CIB4: variants seen among roughly 807,000 people sequenced by gnomAD.
The protein encoded by CIB4 is calcium and integrin binding family member 4.
In CIB4, 25 loss-of-function variants were observed where a neutral mutation model predicts 25.8. The observed-to-expected ratio is 0.97, with a 90% CI of 0.71 to 1.35. The LOEUF is 1.35. CIB4 is among the 40% of genes most tolerant of loss of function. The probability of loss-of-function intolerance (pLI) is 0.00; values close to 1 mark genes in which losing one functional copy is unlikely to be tolerated. For missense variants in CIB4, 235 were observed against 228.2 expected (o/e 1.03, Z -0.19); for synonymous variants, 75 against 81.4 (o/e 0.92, Z 0.42).
rs192847962 is a variant in CIB4 at position 26,589,826 on chromosome 2, G to A, written c.328+5350C>T. On this transcript the variant is annotated intron_variant, in intron 4 of 6. Transcript: ENST00000288861. ...CCGGGTGGGGCTTCCAAGAAAGCTT[G>A]TGAAAGGAGAGTGGACTTAGCTGCA... is the stretch of plus-strand genomic sequence containing the variant. 3.5e-3 allele frequency among the ~76,000 whole-genome samples: 539 copies of A among 152,248 alleles called. 2 individuals are homozygous for A. The highest frequency in any genetic ancestry group is 0.024 in the Middle Eastern group (7 of 294).
intron 4 of CIB4, among the ~76,000 whole-genome samples, chr2:26,593,421 CA>C (rs1320815784): frequency 1.3e-5 from 2 of 149,352 alleles, no homozygotes; most frequent in African/African-American, 5.1e-5. Context: ...TATACACACA[CA>C]TATATATACA....
intron 3 of CIB4, among the ~76,000 whole-genome samples, chr2:26,604,827 T>C (rs1668857922): frequency 6.6e-6 from 1 of 152,204 alleles, no homozygotes; most frequent in Non-Finnish European, 1.5e-5. Flanking sequence ...TTCACAATTA[T>C]AGTTGGAGAG....
At position 26,595,285 on chromosome 2, in the gene CIB4, C is replaced by A. The variant is rs1320360986; in HGVS notation, c.219G>T (p.Val73=). ...VNPFRDRICR[V]FSHKGMFSFE... ...AGGAGAACATGCCTTTGTGGGAGAA[C>A]ACTCTGCAGATACGGTCTCTGAAAG... The change falls in exon 4 of 7, where the codon GTG becomes GTT. Residue 73 remains valine, a synonymous_variant. Transcript: ENST00000288861. 6.2e-7 allele frequency: 1 copy of A among 1,613,992 alleles called. No individual in the cohort carries two copies.
chr2:26,639,320 A>G (rs901214077), intron 2 of CIB4, among the ~76,000 whole-genome samples: 4 of 151,730 alleles, frequency 2.6e-5, no homozygotes, highest in African/African-American at 9.7e-5. Context: ...TACATTAGAT[A>G]TTTCTCTTCA....
intron 3 of CIB4, among the ~76,000 whole-genome samples, chr2:26,615,631 G>A (rs564797231): frequency 3.6e-4 from 55 of 152,306 alleles, no homozygotes; most frequent in African/African-American, 1.3e-3. Context: ...CCTCACCTGT[G>A]GGAGGTGCTA....
In CIB4 at chr2:26,620,870, A is replaced by G. The variant is rs1476896591; in HGVS notation, c.186+8540T>C. Among the ~76,000 whole-genome samples the G allele has an allele frequency of 2.0e-5, 3 of 152,210 alleles. No homozygotes were observed. In the East Asian group the frequency reaches 5.8e-4, roughly 29 times the overall value. On this transcript the variant is annotated intron_variant, in intron 3 of 6. Transcript: ENST00000288861. ...AAACGAGAAAGATCAGAGAACAAAAATGAGCTCTTGGAAACTAAACGCATG... is the reference window on the plus strand; with the variant it reads ...AAACGAGAAAGATCAGAGAACAAAAGTGAGCTCTTGGAAACTAAACGCATG...
intron 1 of CIB4, 142 bp downstream of exon 1, chr2:26,641,119 G>C: frequency 1.4e-6 from 1 of 736,098 alleles, no homozygotes; most frequent in Non-Finnish European, 2.5e-6. Context: ...TGTGGCCCAA[G>C]ACAATTCTTC....
chr2:26,622,232 G>T (rs1424769724), intron 3 of CIB4, among the ~76,000 whole-genome samples: 3 of 152,008 alleles, frequency 2.0e-5, no homozygotes, highest in African/African-American at 7.2e-5. Context: ...ATGGTGGCGG[G>T]CACCTGTAAT....
intron 4 of CIB4, among the ~76,000 whole-genome samples, chr2:26,584,809 T>C (rs1363264378): frequency 6.6e-6 from 1 of 152,054 alleles, no homozygotes; most frequent in Non-Finnish European, 1.5e-5. Context: ...CCCTGGGGAC[T>C]CTGGGGTGGG....
intron 2 of CIB4, among the ~76,000 whole-genome samples, chr2:26,630,177 C>T (rs1370201867): frequency 2.0e-5 from 3 of 152,172 alleles, no homozygotes; most frequent in Non-Finnish European, 4.4e-5. Flanking sequence ...GTGAAATGGC[C>T]GTGTGACCCC....
chr2:26,600,759 T>A (rs1558560759), intron 3 of CIB4, among the ~76,000 whole-genome samples: 1 of 152,206 alleles, frequency 6.6e-6, no homozygotes, highest in Non-Finnish European at 1.5e-5. Flanking sequence ...ATATTATTAA[T>A]GTTGATTCTT....
chr2:26,625,691 G>C (rs934489518), intron 3 of CIB4, among the ~76,000 whole-genome samples: 3 of 152,166 alleles, frequency 2.0e-5, no homozygotes, highest in African/African-American at 7.2e-5. Context: ...TTCCCACCCG[G>C]ACTTGCACAG....
At chr2:26,625,641 T>C (rs1029393279) in intron 3 of CIB4, among the ~76,000 whole-genome samples, 3 of 152,210 alleles carry the variant, frequency 2.0e-5, no homozygotes, top group African/African-American at 7.2e-5. Flanking sequence ...CGTGAGCCAC[T>C]GTGCCCACCT....
intron 3 of CIB4, among the ~76,000 whole-genome samples, chr2:26,609,976 AG>A (rs1668967937): frequency 6.6e-6 from 1 of 152,234 alleles, no homozygotes; most frequent in Admixed American, 6.5e-5. Flanking sequence ...AGGCAGCGGA[AG>A]CTTAGAAAAC....
chr2:26,596,700 T>TAAAGGGGC, intron 3 of CIB4, among the ~76,000 whole-genome samples: 1 of 150,738 alleles, frequency 6.6e-6, no homozygotes, highest in South Asian at 2.1e-4. Context: ...TGAGCCGAGA[T>TAAAGGGGC]TGCGCCATTG....
At chr2:26,614,468 G>T (rs534010489) in intron 3 of CIB4, among the ~76,000 whole-genome samples, 16 of 152,304 alleles carry the variant, frequency 1.1e-4, no homozygotes, top group African/African-American at 2.6e-4. Context: ...GCACTAGAGG[G>T]AGGAGGCTCC....
chr2:26,584,543 C>T (rs1668413997), intron 4 of CIB4, among the ~76,000 whole-genome samples: 2 of 152,210 alleles, frequency 1.3e-5, no homozygotes, highest in Admixed American at 1.3e-4. Context: ...CCTGGCTATG[C>T]CCTCAAAGGG....
At chr2:26,593,383 TAC>T (rs771764624) in intron 4 of CIB4, among the ~76,000 whole-genome samples, 52 of 151,342 alleles carry the variant, frequency 3.4e-4, no homozygotes, top group African/African-American at 7.3e-4. Context: ...CGCACACATA[TAC>T]ACACACACAT....
intron 2 of CIB4, among the ~76,000 whole-genome samples, chr2:26,630,933 C>A (rs970260236): frequency 1.3e-5 from 2 of 152,110 alleles, no homozygotes; most frequent in African/African-American, 4.8e-5. Context: ...GAGCCCACCA[C>A]CCTGACCCAG....
Sources: gnomAD v4.1 joint callset for allele counts (sites outside exome capture counted in the v4.1 genomes callset) on GRCh38, gnomAD v4.1.1 for gene constraint, MANE v1.5 for transcripts, NCBI Gene and HGNC (gene_info 2026-07-23, HGNC 2026-07-21) for gene names.